HYAL4: variants seen among roughly 807,000 people sequenced by gnomAD.
The protein encoded by HYAL4 is hyaluronidase-4.
A neutral mutation model predicts 35.2 loss-of-function variants in HYAL4; 37 were observed. The observed-to-expected ratio is 1.05, with a 90% CI of 0.81 to 1.38. The LOEUF (loss-of-function observed/expected upper bound fraction) is 1.38, where lower values mean the gene tolerates loss of function less well. Among genes scored for constraint, HYAL4 ranks in the 40% most tolerant of loss-of-function variants. The pLI, the probability that HYAL4 is intolerant of heterozygous loss-of-function variation, is 0.00. For synonymous variants in HYAL4, 198 were observed against 203.2 expected, an observed-to-expected ratio of 0.97 and a Z score of 0.22; for missense variants, 572 against 572.4, an observed-to-expected ratio of 1.00 and a Z score of 0.01.
the HYAL4 span, among the ~76,000 whole-genome samples, chr7:123,782,167 CA>C: frequency 6.6e-6 from 1 of 151,986 alleles, no homozygotes; most frequent in Non-Finnish European, 1.5e-5. Flanking sequence ...ATCAATAATA[CA>C]AAAGAAAAAA....
At chr7:123,835,695 T>C (rs1422338636) in intron 1 of HYAL4, among the ~76,000 whole-genome samples, 1 of 152,206 alleles carries the variant, frequency 6.6e-6, no homozygotes, top group African/African-American at 2.4e-5. Context: ...TTTTTCAGAC[T>C]TTTTGATATA....
At chr7:123,811,158 G>T in the HYAL4 span, among the ~76,000 whole-genome samples, 1 of 152,068 alleles carries the variant, frequency 6.6e-6, no homozygotes, top group Non-Finnish European at 1.5e-5. Context: ...ACATTCTTGT[G>T]CAGATTTTTG....
At chr7:123,817,740 C>A in the HYAL4 span, among the ~76,000 whole-genome samples, 4 of 151,692 alleles carry the variant, frequency 2.6e-5, no homozygotes, top group African/African-American at 7.3e-5. Flanking sequence ...GAACTCCTGA[C>A]CTCAGGTGAT....
the HYAL4 span, among the ~76,000 whole-genome samples, chr7:123,781,970 G>A: frequency 1.3e-5 from 2 of 152,076 alleles, no homozygotes; most frequent in South Asian, 4.1e-4. Flanking sequence ...GCAGTGGCAA[G>A]TTCCTGGCTC....
the HYAL4 span, among the ~76,000 whole-genome samples, chr7:123,813,741 C>T: frequency 6.6e-6 from 1 of 152,072 alleles, no homozygotes; most frequent in East Asian, 1.9e-4. Context: ...TTCAAGTGGG[C>T]ATGTTCTTGG....
At chr7:123,844,738 G>A (rs952113287), upstream of HYAL4, among the ~76,000 whole-genome samples, 2 of 152,168 alleles carry the variant, frequency 1.3e-5, no homozygotes, top group African/African-American at 4.8e-5. Context: ...CTCAGCAATG[G>A]CGGACACCCC....
At chr7:123,795,609 C>T in the HYAL4 span, among the ~76,000 whole-genome samples, 1 of 152,156 alleles carries the variant, frequency 6.6e-6, no homozygotes, top group African/African-American at 2.4e-5. Flanking sequence ...CTTGTTGCCA[C>T]CCTGTGAAGA....
chr7:123,866,129 GC>G (rs2116952667), intron 2 of HYAL4, among the ~76,000 whole-genome samples: 1 of 152,278 alleles, frequency 6.6e-6, no homozygotes, highest in African/African-American at 2.4e-5. Context: ...TGGAGACACA[GC>G]CAAACCATAT....
the HYAL4 span, among the ~76,000 whole-genome samples, chr7:123,775,652 CCTT>C: frequency 2.0e-5 from 3 of 152,270 alleles, no homozygotes; most frequent in African/African-American, 7.2e-5. Context: ...CTTGATGTAG[CCTT>C]CTTCATTCTA....
the HYAL4 span, among the ~76,000 whole-genome samples, chr7:123,817,044 A>C: frequency 6.6e-6 from 1 of 152,210 alleles, no homozygotes; most frequent in African/African-American, 2.4e-5. Flanking sequence ...TAACGCAGGA[A>C]AGCTTACAGT....
chr7:123,770,313 G>A, the HYAL4 span, among the ~76,000 whole-genome samples: 1 of 151,998 alleles, frequency 6.6e-6, no homozygotes, highest in Non-Finnish European at 1.5e-5. Context: ...GTGGTGACGG[G>A]CGCCTGTAGT....
At chr7:123,873,497 GTATTAA>G (rs56050633) in intron 3 of HYAL4, among the ~76,000 whole-genome samples, 22,610 of 151,590 alleles carry the variant, frequency 0.15, 1,861 homozygotes, top group Non-Finnish European at 0.18. Context: ...TATCTCTCAA[GTATTAA>G]TATTAAGTGC....
chr7:123,843,810 G>C (rs376677455), upstream of HYAL4, among the ~76,000 whole-genome samples: 1 of 151,660 alleles, frequency 6.6e-6, no homozygotes, highest in Non-Finnish European at 1.5e-5. Context: ...TTGTGCATCC[G>C]TCATGAAGTT....
chr7:123,814,467 T>G, the HYAL4 span: 1 of 152,582 alleles, frequency 6.6e-6, no homozygotes, highest in Non-Finnish European at 1.5e-5. Context: ...TCTGAACACC[T>G]TAGGAAAACT....
intron 3 of HYAL4, 62 bp downstream of exon 3, chr7:123,869,289 T>C: frequency 3.7e-6 from 4 of 1,089,818 alleles, no homozygotes; most frequent in Non-Finnish European, 5.2e-6. Context: ...GACATTTCTT[T>C]GTTAATTATG....
rs372406456 is a variant in HYAL4 at position 123,869,271 on chromosome 7, T to G, written c.954+44T>G. The G allele has an allele frequency of 1.4e-5, 18 of 1,245,660 alleles. No homozygotes were observed. In the African/African-American group the frequency reaches 2.0e-4, roughly 14 times the overall value. The allele number at this position is 1,245,660 out of a possible 1,614,324, so 77.2% of individuals were successfully genotyped here. ...AATGGTGGGGGATTTCCTCCTTATCTCTAAAAGGACATTTCTTTGTTAATT... is the reference window on the plus strand; with the variant it reads ...AATGGTGGGGGATTTCCTCCTTATCGCTAAAAGGACATTTCTTTGTTAATT... On this transcript the variant is annotated intron_variant, in intron 3 of 4. Coordinates refer to ENST00000223026, the MANE Select transcript of HYAL4 (RefSeq NM_012269.3).
chr7:123,876,556 G>A (rs868487374), intron 4 of HYAL4, among the ~76,000 whole-genome samples, 198 bp from the exon 5 acceptor site: 1 of 152,130 alleles, frequency 6.6e-6, no homozygotes, highest in African/African-American at 2.4e-5. Context: ...TCCCCTTTCT[G>A]ATTTGGGACC....
intron 2 of HYAL4, among the ~76,000 whole-genome samples, chr7:123,851,456 T>C (rs1448383029): frequency 6.6e-6 from 1 of 152,178 alleles, no homozygotes; most frequent in African/African-American, 2.4e-5. Flanking sequence ...TGTGTTCTCA[T>C]TGTTCGACTC....
chr7:123,782,031 C>T, the HYAL4 span, among the ~76,000 whole-genome samples: 2 of 151,938 alleles, frequency 1.3e-5, no homozygotes, highest in African/African-American at 4.8e-5. Context: ...CCTCAGCCTC[C>T]TGAGTAGTTA....
Sources: gnomAD v4.1 joint callset for allele counts (sites outside exome capture counted in the v4.1 genomes callset) on GRCh38, gnomAD v4.1.1 for gene constraint, MANE v1.5 for transcripts, NCBI Gene and HGNC (gene_info 2026-07-23, HGNC 2026-07-21) for gene names.